The following XRRA1 variants were observed in gnomAD, a reference collection of about 807,000 sequenced individuals.
XRRA1 encodes the protein X-ray radiation resistance-associated protein 1.
In XRRA1, 69 loss-of-function variants were observed where a neutral mutation model predicts 80.2. That is an observed-to-expected ratio of 0.86 (90% CI 0.71 to 1.05). The LOEUF is 1.05. XRRA1 is among the 50% of genes least tolerant of loss of function. The probability of loss-of-function intolerance (pLI) is 0.00; values close to 1 mark genes in which losing one functional copy is unlikely to be tolerated. For missense variants in XRRA1, 967 were observed against 976.4 expected (o/e 0.99, Z 0.13); for synonymous variants, 348 against 389.9 (o/e 0.89, Z 1.27).
At chr11:74,885,706 A>G (rs111724487) in intron 10 of XRRA1, among the ~76,000 whole-genome samples, 2 of 152,340 alleles carry the variant, frequency 1.3e-5, no homozygotes, top group African/African-American at 4.8e-5. Flanking sequence ...TCCCTAACTC[A>G]TTCTTTGAGG....
chr11:74,846,231 AATAT>A (rs1478700374), intron 15 of XRRA1: 2 of 152,322 alleles, frequency 1.3e-5, no homozygotes, highest in Admixed American at 6.5e-5. Context: ...TGTATTTGTG[AATAT>A]ATATTATATA....
intron 3 of XRRA1, among the ~76,000 whole-genome samples, chr11:74,939,599 C>T (rs1945874790): frequency 1.3e-5 from 2 of 152,116 alleles, no homozygotes; most frequent in Admixed American, 1.3e-4. Context: ...TCCAACTCAA[C>T]TTGTATTTTT....
intron 1 of XRRA1, among the ~76,000 whole-genome samples, chr11:74,945,532 C>A (rs113792402): frequency 2.0e-5 from 3 of 152,166 alleles, no homozygotes; most frequent in Non-Finnish European, 4.4e-5. Flanking sequence ...TGGATGCTAT[C>A]GCAGAAATTC....
intron 11 of XRRA1, 139 bp from the exon 12 acceptor site, chr11:74,859,422 A>T (rs544342020): frequency 3.2e-6 from 3 of 928,666 alleles, no homozygotes; most frequent in Admixed American, 3.4e-5. Context: ...ATGTAGGGTC[A>T]TAAGGGTAGA....
chr11:74,864,196 C>G (rs1358311642), intron 10 of XRRA1: 1 of 152,078 alleles, frequency 6.6e-6, no homozygotes, highest in Non-Finnish European at 1.5e-5. Context: ...ACTCCTGAAA[C>G]AAAAGCAGAT....
At chr11:74,945,800 T>TCA (rs1477238986) in intron 1 of XRRA1, among the ~76,000 whole-genome samples, 11 of 152,066 alleles carry the variant, frequency 7.2e-5, no homozygotes, top group African/African-American at 2.7e-4. Context: ...TTTCTCTCTC[T>TCA]CTCACACACA....
chr11:74,943,524 GGTGTGTGTGTGTGTGTGTGTGTGTGT>G (rs67590742), intron 2 of XRRA1, among the ~76,000 whole-genome samples: 3 of 137,762 alleles, frequency 2.2e-5, no homozygotes, highest in Non-Finnish European at 3.1e-5. Flanking sequence ...AGAGTAGGAG[GGTGTGTGTGTGTGTGTGTGTGTGTGT>G]GTGTGTGTGT....
At position 74,851,985 on chromosome 11, in the gene XRRA1, A is replaced by G. The variant is rs781180773; in HGVS notation, c.1264+4T>C. ...GAGAGGGGGCAGGTTTGCGGGCACT[A>G]TACCTCGTGTATGGGCCACCAGAGG... On this transcript the variant is annotated splice_donor_region_variant and intron_variant, in intron 13 of 18. Transcript: ENST00000684022. The G allele has an allele frequency of 6.2e-7, 1 of 1,613,560 alleles. No homozygotes were observed. The highest frequency in any genetic ancestry group is 1.1e-5 in the South Asian group (1 of 91,072).
At chr11:74,848,067 C>T in intron 15 of XRRA1, 48 bp downstream of exon 15, 1 of 1,535,088 alleles carries the variant, frequency 6.5e-7, no homozygotes, top group South Asian at 1.2e-5. Flanking sequence ...TGCACAGGAA[C>T]CTGTGGGAGC....
chr11:74,851,031 A>G, intron 14 of XRRA1, 57 bp downstream of exon 14: 1 of 1,415,180 alleles, frequency 7.1e-7, no homozygotes. Context: ...TGGTTTGCAT[A>G]CATTATAATA....
chr11:74,857,910 A>C (rs1305055519), intron 12 of XRRA1, among the ~76,000 whole-genome samples: 2 of 152,242 alleles, frequency 1.3e-5, no homozygotes, highest in Admixed American at 1.3e-4. Context: ...AATCGAATGA[A>C]AATAAAAAGA....
rs907044684 is a variant in XRRA1 at position 74,943,447 on chromosome 11, A to C, written c.-5+1571T>G. On this transcript the variant is annotated intron_variant, in intron 2 of 18. Transcript: ENST00000684022. ...CCTACATTTTACCGAGGACTTGCAA[A>C]CACAAATGGTTACAGAAGTTGGGCA... Among the ~76,000 whole-genome samples, 3 of 152,118 alleles carry C rather than the reference A, an allele frequency of 2.0e-5. No homozygotes were observed. The South Asian group carries it at 6.2e-4, about 32-fold the overall frequency.
At chr11:74,863,046 A>G (rs1404904463) in intron 10 of XRRA1, 25 bp from the exon 11 acceptor site, 1 of 1,593,628 alleles carries the variant, frequency 6.3e-7, no homozygotes, top group East Asian at 2.3e-5. Context: ...AAACAGAATG[A>G]AGGTTGGTGA....
At chr11:74,945,391 AAAT>A (rs1445602188) in intron 1 of XRRA1, among the ~76,000 whole-genome samples, 1 of 152,218 alleles carries the variant, frequency 6.6e-6, no homozygotes, top group African/African-American at 2.4e-5. Flanking sequence ...TATTTACACA[AAAT>A]AAATTTCTGC....
chr11:74,882,638 G>GT (rs1285220175), intron 10 of XRRA1, among the ~76,000 whole-genome samples: 1 of 152,144 alleles, frequency 6.6e-6, no homozygotes, highest in East Asian at 1.9e-4. Flanking sequence ...CATCTTTGTG[G>GT]TTTTATCTAC....
chr11:74,896,278 G>C (rs1011123124), intron 10 of XRRA1, among the ~76,000 whole-genome samples: 8 of 152,218 alleles, frequency 5.3e-5, no homozygotes, highest in Non-Finnish European at 1.0e-4. Flanking sequence ...CCCACTCTGG[G>C]CAAGAGAGGA....
intron 5 of XRRA1, among the ~76,000 whole-genome samples, chr11:74,930,851 T>C (rs868650918): frequency 3.9e-5 from 6 of 152,142 alleles, no homozygotes; most frequent in Admixed American, 3.3e-4. Flanking sequence ...ATTGCCCAGA[T>C]TGGAGTGCAG....
chr11:74,867,215 A>G (rs1274924332), intron 10 of XRRA1, among the ~76,000 whole-genome samples: 1 of 152,246 alleles, frequency 6.6e-6, no homozygotes, highest in Admixed American at 6.5e-5. Flanking sequence ...CTAGTTCTCC[A>G]GCAATGGTTC....
intron 12 of XRRA1, among the ~76,000 whole-genome samples, chr11:74,856,566 G>A (rs2041154806): frequency 6.6e-6 from 1 of 152,226 alleles, no homozygotes; most frequent in Non-Finnish European, 1.5e-5. Context: ...GCAGATGCAA[G>A]TGCCACACAA....
Sources: allele counts gnomAD v4.1 joint callset (sites outside exome capture counted in the v4.1 genomes callset), GRCh38; gene constraint gnomAD v4.1.1; transcripts MANE v1.5; gene names NCBI Gene and HGNC (gene_info 2026-07-23, HGNC 2026-07-21).